SYNPO2: variants seen among roughly 807,000 people sequenced by gnomAD.
The protein encoded by SYNPO2 is synaptopodin 2.
A neutral mutation model predicts 85.0 loss-of-function variants in SYNPO2; 56 were observed. The observed-to-expected ratio is 0.66, with a 90% confidence interval of 0.53 to 0.82. The LOEUF (loss-of-function observed/expected upper bound fraction) is 0.82, where lower values mean the gene tolerates loss of function less well. Among genes scored for constraint, SYNPO2 ranks in the 40% least tolerant of loss-of-function variants. SYNPO2 has a pLI of 0.00. For missense variants in SYNPO2, 1,575 were observed against 1,534.2 expected (o/e 1.03, Z -0.44); for synonymous variants, 602 against 591.1 (o/e 1.02, Z -0.27).
At chr4:118,946,597 A>AT in intron 1 of SYNPO2, among the ~76,000 whole-genome samples, 1 of 152,218 alleles carries the variant, frequency 6.6e-6, no homozygotes, top group Non-Finnish European at 1.5e-5. Context: ...TCTCTGCTGT[A>AT]TTCTAAATAT....
intron 1 of SYNPO2, among the ~76,000 whole-genome samples, chr4:118,953,503 T>C (rs369240138): frequency 6.6e-6 from 1 of 152,042 alleles, no homozygotes; most frequent in Admixed American, 6.6e-5. Context: ...TAATGACTAA[T>C]GGTATAGGGT....
chr4:118,970,136 A>G (rs1254554019), intron 1 of SYNPO2, among the ~76,000 whole-genome samples: 2 of 152,146 alleles, frequency 1.3e-5, no homozygotes, highest in Non-Finnish European at 2.9e-5. Flanking sequence ...CACCTAGCAA[A>G]AGCTTTATCT....
At chr4:118,936,446 T>A (rs1734105631) in intron 1 of SYNPO2, among the ~76,000 whole-genome samples, 1 of 152,212 alleles carries the variant, frequency 6.6e-6, no homozygotes, top group African/African-American at 2.4e-5. Context: ...CTTTATTTTT[T>A]AAGATAATTC....
At chr4:119,037,199 T>C (rs1314485698) in intron 4 of SYNPO2, 2 of 1,535,680 alleles carry the variant, frequency 1.3e-6, no homozygotes, top group Non-Finnish European at 1.8e-6. Context: ...ATAATGATAA[T>C]ACTCAAAATA....
At chr4:119,038,659 A>G (rs1180616978) in intron 4 of SYNPO2, 1 of 776,990 alleles carries the variant, frequency 1.3e-6, no homozygotes, top group African/African-American at 1.9e-5. Flanking sequence ...AATAATTCTA[A>G]ACAGAATAAC....
chr4:118,919,994 T>C (rs1181489065), intron 1 of SYNPO2, among the ~76,000 whole-genome samples: 1 of 152,192 alleles, frequency 6.6e-6, no homozygotes, highest in Non-Finnish European at 1.5e-5. Flanking sequence ...GGAGAAATTA[T>C]TGGACGGATG....
Position 119,060,964 on chromosome 4 carries a change from A to G in SYNPO2, c.*3030A>G, listed in dbSNP as rs1026611813. 1.4e-5 allele frequency: 2 copies of G among 147,342 alleles called. No homozygotes were observed. The highest frequency in any genetic ancestry group is 3.0e-5 in the Non-Finnish European group (2 of 67,140). The allele number at this position is 147,342 out of a possible 1,614,324, so 9.1% of individuals were successfully genotyped here. On this transcript the variant is annotated 3_prime_UTR_variant, in exon 5 of 5. Coordinates refer to ENST00000307142, the MANE Select transcript of SYNPO2 (RefSeq NM_133477.3). ...AGGGCCAACCTATTAGGGCTCAAGT[A>G]TGTATATGCAAAAAAAAAAAGTTAT...
rs151174344 is a variant in SYNPO2, at chr4:118,873,989, A to G, written c.12+23049A>G. On this transcript the variant is annotated intron_variant, in intron 1 of 4. Coordinates refer to the SYNPO2 transcript ENST00000610556. ...AAAAGAGTGTCCTTTTCCCCAGTGTATGTTCTTGTTTATTTAGTCAAAGAT... is the reference window on the plus strand; with the variant it reads ...AAAAGAGTGTCCTTTTCCCCAGTGTGTGTTCTTGTTTATTTAGTCAAAGAT... Among the ~76,000 whole-genome samples, 3 of 150,248 alleles carry G rather than the reference A, an allele frequency of 2.0e-5. No individual in the cohort carries two copies. In the East Asian group the frequency reaches 5.9e-4, roughly 30 times the overall value.
intron 1 of SYNPO2, among the ~76,000 whole-genome samples, chr4:118,883,131 A>G (rs1348437920): frequency 2.6e-5 from 4 of 151,796 alleles, no homozygotes; most frequent in African/African-American, 9.7e-5. Context: ...AGGAAGACTT[A>G]GGCTTGCATT....
chr4:119,027,552 G>A (rs1738024886), intron 3 of SYNPO2, 114 bp downstream of exon 3: 6 of 1,044,780 alleles, frequency 5.7e-6, no homozygotes, highest in Non-Finnish European at 7.9e-6. Flanking sequence ...TTGGCTTAAA[G>A]AAATATTTAA....
chr4:118,879,644 C>T (rs1390344282), intron 1 of SYNPO2, among the ~76,000 whole-genome samples: 1 of 152,130 alleles, frequency 6.6e-6, no homozygotes. Flanking sequence ...AATCGCCCAG[C>T]GTATGATACT....
intron 1 of SYNPO2, among the ~76,000 whole-genome samples, chr4:118,990,565 C>A (rs1736379203): frequency 6.6e-6 from 1 of 152,032 alleles, no homozygotes; most frequent in South Asian, 2.1e-4. Context: ...ACAAATAGAC[C>A]CAGCAATTCT....
intron 4 of SYNPO2, chr4:119,043,116 T>C (rs182834396): frequency 6.5e-6 from 1 of 152,740 alleles, no homozygotes; most frequent in East Asian, 1.9e-4. Flanking sequence ...AGAGTCTCGC[T>C]CTGTCGCCCA....
At position 118,876,709 on chromosome 4, in the gene SYNPO2, CTTTCTTTCTTTCTTTCTTTCT is replaced by C. The variant is rs1473834701; in HGVS notation, c.12+25772_12+25792del. Among the ~76,000 whole-genome samples, 8 of 128,788 alleles carry C rather than the reference CTTTCTTTCTTTCTTTCTTTCT, an allele frequency of 6.2e-5. No individual in the cohort carries two copies. The East Asian group carries it at 1.8e-3, about 29-fold the overall frequency. The allele number at this position is 128,788 out of a possible 152,430, so 84.5% of individuals were successfully genotyped here. A position where few individuals can be genotyped will look rare whatever the true frequency, so the allele number is the denominator to read the frequency against. ...TCTTTCTTTCTTTCTTTCTTTCTTT[CTTTCTTTCTTTCTTTCTTTCT>C]TTCTTTCTGCCTTTCTCTGTCTCTC... On this transcript the variant is annotated intron_variant, in intron 1 of 4. Coordinates refer to the SYNPO2 transcript ENST00000610556.
At chr4:119,026,261 T>A (rs1467852247) in intron 2 of SYNPO2, among the ~76,000 whole-genome samples, 1 of 152,232 alleles carries the variant, frequency 6.6e-6, no homozygotes, top group African/African-American at 2.4e-5. Context: ...ACTTAGTCAA[T>A]AAGACATTGA....
intron 1 of SYNPO2, among the ~76,000 whole-genome samples, chr4:118,853,736 T>A (rs1197448021): frequency 6.6e-6 from 1 of 152,148 alleles, no homozygotes; most frequent in African/African-American, 2.4e-5. Context: ...CCTCCTACAG[T>A]CTTGGCATTG....
chr4:119,032,636 A>C (rs994116244), intron 4 of SYNPO2: 7 of 988,046 alleles, frequency 7.1e-6, no homozygotes, highest in Non-Finnish European at 8.4e-6. Context: ...AGTGGGTAAG[A>C]AAGAGGGTCT....
chr4:118,899,792 G>A (rs568901175), intron 1 of SYNPO2, among the ~76,000 whole-genome samples: 10 of 152,170 alleles, frequency 6.6e-5, no homozygotes, highest in South Asian at 2.1e-4. Flanking sequence ...ACGCAGCCTC[G>A]CTCTTGTCAC....
chr4:118,928,941 T>A (rs79752587), intron 1 of SYNPO2, among the ~76,000 whole-genome samples: 2,588 of 152,320 alleles, frequency 0.017, 33 homozygotes, highest in Non-Finnish European at 0.021. Flanking sequence ...GTACTTATAA[T>A]CTTGTGATAG....
Sources: allele counts gnomAD v4.1 joint callset (sites outside exome capture counted in the v4.1 genomes callset), GRCh38; gene constraint gnomAD v4.1.1; transcripts MANE v1.5; gene names NCBI Gene and HGNC (gene_info 2026-07-23, HGNC 2026-07-21).